The following LOC128092252 variants were observed in gnomAD, a reference collection of about 807,000 sequenced individuals.
the LOC128092252 span, among the ~76,000 whole-genome samples, chr15:50,671,243 C>T: frequency 6.6e-6 from 1 of 152,146 alleles, no homozygotes; most frequent in Non-Finnish European, 1.5e-5. Flanking sequence ...TTCTACTCTC[C>T]ATCCAGAAAT....
the LOC128092252 span, among the ~76,000 whole-genome samples, chr15:50,662,477 T>C: frequency 6.6e-6 from 1 of 152,224 alleles, no homozygotes; most frequent in Non-Finnish European, 1.5e-5. Flanking sequence ...CACAGACACC[T>C]ATAGTCTCTG....
chr15:50,670,389 G>A, the LOC128092252 span, among the ~76,000 whole-genome samples: 1 of 151,944 alleles, frequency 6.6e-6, no homozygotes, highest in Admixed American at 6.6e-5. Flanking sequence ...TAAGATATAG[G>A]CCATAAAGAC....
chr15:50,662,594 G>A, the LOC128092252 span, among the ~76,000 whole-genome samples: 1 of 151,944 alleles, frequency 6.6e-6, no homozygotes, highest in East Asian at 1.9e-4. Flanking sequence ...CCATAGTGTT[G>A]GATACCCAGT....
At chr15:50,661,778 G>C in the LOC128092252 span, among the ~76,000 whole-genome samples, 1 of 152,150 alleles carries the variant, frequency 6.6e-6, no homozygotes, top group African/African-American at 2.4e-5. Flanking sequence ...AGACGGAAAA[G>C]GAAGGAAGAT....
chr15:50,665,093 A>ACATGAGG, the LOC128092252 span, among the ~76,000 whole-genome samples: 1 of 152,198 alleles, frequency 6.6e-6, no homozygotes, highest in South Asian at 2.1e-4. Flanking sequence ...TCTCAAGCAC[A>ACATGAGG]CATGAGGCAT....
chr15:50,684,710 T>G, the LOC128092252 span, among the ~76,000 whole-genome samples: 9 of 152,076 alleles, frequency 5.9e-5, no homozygotes, highest in South Asian at 8.3e-4. Context: ...CAGGGATGCA[T>G]TCAACAAAAT....
chr15:50,648,999 A>T, the LOC128092252 span: 1 of 691,714 alleles, frequency 1.4e-6, no homozygotes, highest in Non-Finnish European at 2.2e-6. Context: ...TATATTTTAT[A>T]TAAGTATAAA....
At chr15:50,684,094 C>T in the LOC128092252 span, among the ~76,000 whole-genome samples, 1 of 151,622 alleles carries the variant, frequency 6.6e-6, no homozygotes, top group Non-Finnish European at 1.5e-5. Flanking sequence ...TCAAGTGATC[C>T]GGGATCAGCC....
At chr15:50,670,675 C>CAT in the LOC128092252 span, among the ~76,000 whole-genome samples, 2 of 152,076 alleles carry the variant, frequency 1.3e-5, 1 homozygote, top group Non-Finnish European at 2.9e-5. Context: ...CCTTGCTTAG[C>CAT]ATATAATCAG....
the LOC128092252 span, among the ~76,000 whole-genome samples, chr15:50,680,722 T>TA: frequency 6.0e-4 from 91 of 152,126 alleles, no homozygotes; most frequent in Non-Finnish European, 1.2e-3. Flanking sequence ...ATAACTTTTT[T>TA]AAAAAAAACC....
At chr15:50,653,632 G>A in the LOC128092252 span, among the ~76,000 whole-genome samples, 1 of 152,268 alleles carries the variant, frequency 6.6e-6, no homozygotes, top group African/African-American at 2.4e-5. Flanking sequence ...TCATAGAGAT[G>A]ACACCTAGGC....
the LOC128092252 span, chr15:50,686,521 G>A: frequency 1.2e-6 from 2 of 1,612,684 alleles, no homozygotes; most frequent in Non-Finnish European, 8.5e-7. Context: ...GGCCTGCGTG[G>A]GTCCAGTACC....
At chr15:50,652,328 C>CAAAAAAAAAAA in the LOC128092252 span, among the ~76,000 whole-genome samples, 2 of 34,226 alleles carry the variant, frequency 5.8e-5, no homozygotes, top group Non-Finnish European at 9.4e-5. Flanking sequence ...GACTCCATCT[C>CAAAAAAAAAAA]AAAAAAAAAA....
the LOC128092252 span, among the ~76,000 whole-genome samples, chr15:50,655,348 G>A: frequency 1.3e-5 from 2 of 149,474 alleles, no homozygotes; most frequent in Non-Finnish European, 3.0e-5. Flanking sequence ...CAGGAGAATT[G>A]CTTGAACCTG....
chr15:50,654,534 G>C, the LOC128092252 span, among the ~76,000 whole-genome samples: 1 of 151,384 alleles, frequency 6.6e-6, no homozygotes, highest in Non-Finnish European at 1.5e-5. Flanking sequence ...GCAAATGTTG[G>C]AATCAGTAGA....
At chr15:50,651,753 C>A in the LOC128092252 span, among the ~76,000 whole-genome samples, 6 of 151,598 alleles carry the variant, frequency 4.0e-5, no homozygotes, top group African/African-American at 1.5e-4. Flanking sequence ...AGCTGGGCGT[C>A]GTGGCAGTCG....
At chr15:50,682,042 G>C in the LOC128092252 span, among the ~76,000 whole-genome samples, 1 of 151,840 alleles carries the variant, frequency 6.6e-6, no homozygotes, top group African/African-American at 2.4e-5. Context: ...GTCAGGCATG[G>C]TGGCAGGCAC....
At chr15:50,672,898 CAAAAAAAAAAAAAA>C in the LOC128092252 span, among the ~76,000 whole-genome samples, 5 of 26,218 alleles carry the variant, frequency 1.9e-4, no homozygotes, top group Non-Finnish European at 3.5e-4. Flanking sequence ...GACTCTGTCT[CAAAAAAAAAAAAAA>C]AAAAAAAAAA....
the LOC128092252 span, among the ~76,000 whole-genome samples, chr15:50,662,479 T>C: frequency 2.5e-3 from 376 of 152,324 alleles, no homozygotes; most frequent in Non-Finnish European, 4.5e-3. Context: ...CAGACACCTA[T>C]AGTCTCTGAT....
Sources: gnomAD v4.1 joint callset for allele counts (sites outside exome capture counted in the v4.1 genomes callset) on GRCh38, gnomAD v4.1.1 for gene constraint, MANE v1.5 for transcripts.